Variants in UGT1A8 observed in about 807,000 individuals in gnomAD.
UGT1A8 encodes UDP-glucuronosyltransferase 1A8.
UGT1A8 carries 39 observed loss-of-function variants against 45.3 expected under a neutral mutation model. The ratio of observed to expected loss-of-function variants is 0.86; its 90% CI spans 0.67 to 1.12. UGT1A8 has a LOEUF of 1.12. Ranked by LOEUF, UGT1A8 falls within the 50% of genes most tolerant of loss-of-function variation. UGT1A8 has a pLI of 0.00. For missense variants in UGT1A8, 719 were observed against 664.9 expected, an observed-to-expected ratio of 1.08 and a Z score of -0.90; for synonymous variants, 275 against 249.2, an observed-to-expected ratio of 1.10 and a Z score of -0.97.
chr2:233,663,906 A>G (rs1237928983), intron 1 of UGT1A8, among the ~76,000 whole-genome samples: 5 of 152,152 alleles, frequency 3.3e-5, no homozygotes, highest in Non-Finnish European at 5.9e-5. Context: ...GATACCTCAT[A>G]CAAGTAGAAT....
chr2:233,631,203 G>T (rs948995506), intron 1 of UGT1A8, among the ~76,000 whole-genome samples: 13 of 152,204 alleles, frequency 8.5e-5, no homozygotes, highest in Middle Eastern at 3.4e-3. Flanking sequence ...GTATTCCATG[G>T]TGTATATGTG....
At chr2:233,731,885 AT>A (rs2078216460) in intron 1 of UGT1A8, among the ~76,000 whole-genome samples, 2 of 152,268 alleles carry the variant, frequency 1.3e-5, no homozygotes, top group South Asian at 2.1e-4. Context: ...GGTTGAACTA[AT>A]TTACACTCCC....
chr2:233,754,958 A>G (rs750600568), intron 1 of UGT1A8: 19 of 1,315,144 alleles, frequency 1.4e-5, no homozygotes, highest in South Asian at 1.4e-4. Flanking sequence ...CCCGGCCGCC[A>G]AAGAACTCCC....
chr2:233,729,353 C>G, intron 1 of UGT1A8: 1 of 1,614,162 alleles, frequency 6.2e-7, no homozygotes, highest in South Asian at 1.1e-5. Flanking sequence ...AACTTTTTCA[C>G]CCTGACAACC....
chr2:233,682,893 G>A, intron 1 of UGT1A8: 19 of 1,506,370 alleles, frequency 1.3e-5, no homozygotes, highest in Non-Finnish European at 1.6e-5. Context: ...GTCCCATTTG[G>A]AATTTCTTTC....
chr2:233,768,119 T>G, intron 3 of UGT1A8, 101 bp from the exon 4 acceptor site: 4 of 1,600,008 alleles, frequency 2.5e-6, no homozygotes, highest in Non-Finnish European at 3.4e-6. Flanking sequence ...CAAGGGCATG[T>G]GAGTAACACT....
intron 1 of UGT1A8, chr2:233,755,178 T>C: frequency 8.1e-7 from 1 of 1,236,812 alleles, no homozygotes; most frequent in Non-Finnish European, 1.1e-6. Flanking sequence ...TTTGTCGGGG[T>C]GCCACTTGAG....
At chr2:233,771,550 T>G (rs1700326393) in intron 4 of UGT1A8, 1 of 152,254 alleles carries the variant, frequency 6.6e-6, no homozygotes, top group Non-Finnish European at 1.5e-5. Flanking sequence ...TACAAATGGC[T>G]GTTAATTTGG....
chr2:233,682,587 A>T (rs2074585557), intron 1 of UGT1A8: 1 of 1,613,766 alleles, frequency 6.2e-7, no homozygotes. Context: ...TTGGAGGAAC[A>T]TTTATTTTGC....
intron 1 of UGT1A8, among the ~76,000 whole-genome samples, chr2:233,651,316 T>C (rs1281225867): frequency 6.6e-6 from 1 of 152,162 alleles, no homozygotes; most frequent in Non-Finnish European, 1.5e-5. Context: ...GCTTCCGAGA[T>C]ACGGAAAGCT....
chr2:233,658,988 T>C (rs1270913067), intron 1 of UGT1A8, among the ~76,000 whole-genome samples: 1 of 152,214 alleles, frequency 6.6e-6, no homozygotes, highest in Non-Finnish European at 1.5e-5. Flanking sequence ...AAAAAGCCTG[T>C]TGGGATTTTG....
At position 233,729,868 on chromosome 2, in the gene UGT1A8, A is replaced by C. The variant is rs754430297; in HGVS notation, c.856-37166A>C. On this transcript the variant is annotated intron_variant, in intron 1 of 4. Coordinates refer to ENST00000373450, the MANE Select transcript of UGT1A8 (RefSeq NM_019076.5). ...TCAGAGAGAGGTGTCAGTGGTGGAT[A>C]TTCTCAGTCATGCATCTGTGTGGCT... is the stretch of plus-strand genomic sequence containing the variant. The C allele has an allele frequency of 2.6e-5, 42 of 1,613,556 alleles. No individual in the cohort carries two copies. The highest frequency in any genetic ancestry group is 8.3e-5 in the Admixed American group (5 of 59,972).
intron 1 of UGT1A8, among the ~76,000 whole-genome samples, chr2:233,647,224 G>A (rs1030946717): frequency 2.0e-5 from 3 of 152,182 alleles, no homozygotes; most frequent in South Asian, 2.1e-4. Context: ...GGAAATTGTG[G>A]GAGTTCCAAT....
intron 1 of UGT1A8, chr2:233,760,219 C>A: frequency 6.3e-7 from 1 of 1,593,340 alleles, no homozygotes; most frequent in Non-Finnish European, 8.5e-7. Context: ...CTTGGTGTAT[C>A]GATTGGTTTT....
At chr2:233,731,607 C>T (rs1360371440) in intron 1 of UGT1A8, among the ~76,000 whole-genome samples, 1 of 152,190 alleles carries the variant, frequency 6.6e-6, no homozygotes, top group Non-Finnish European at 1.5e-5. Context: ...CTGCAAAGGA[C>T]ATGAACTCAT....
intron 1 of UGT1A8, chr2:233,718,892 C>A (rs775726544): frequency 6.2e-7 from 1 of 1,613,902 alleles, no homozygotes; most frequent in African/African-American, 1.3e-5. Flanking sequence ...GTGTCCAGCC[C>A]TGGGCTGAGA....
At chr2:233,669,415 A>G (rs1023014262) in intron 1 of UGT1A8, among the ~76,000 whole-genome samples, 1 of 152,226 alleles carries the variant, frequency 6.6e-6, no homozygotes, top group African/African-American at 2.4e-5. Flanking sequence ...GAAAAATAAC[A>G]TTTTAACAAT....
At chr2:233,681,925 C>G in intron 1 of UGT1A8, 1 of 1,608,936 alleles carries the variant, frequency 6.2e-7, no homozygotes. Flanking sequence ...TGGCTCTGGG[C>G]TGAAGTTCTC....
At chr2:233,706,359 A>G (rs1575483588) in intron 1 of UGT1A8, among the ~76,000 whole-genome samples, 3 of 152,330 alleles carry the variant, frequency 2.0e-5, no homozygotes, top group Admixed American at 6.5e-5. Context: ...CATTCTTCCA[A>G]TTTAGGCCAT....
Sources: allele counts gnomAD v4.1 joint callset (sites outside exome capture counted in the v4.1 genomes callset), GRCh38; gene constraint gnomAD v4.1.1; transcripts MANE v1.5; gene names NCBI Gene and HGNC (gene_info 2026-07-23, HGNC 2026-07-21).